Variants in TMEM151B observed in about 807,000 individuals in gnomAD.
TMEM151B encodes the protein transmembrane protein 151B.
In TMEM151B, 18 loss-of-function variants were observed where a neutral mutation model predicts 33.0. The ratio of observed to expected loss-of-function variants is 0.55; its 90% CI spans 0.38 to 0.81. The LOEUF (loss-of-function observed/expected upper bound fraction) is 0.81. Ranked by LOEUF, TMEM151B falls within the 30% of genes least tolerant of loss-of-function variation. The probability of loss-of-function intolerance (pLI) is 0.00; values close to 1 mark genes in which losing one functional copy is unlikely to be tolerated. For synonymous variants in TMEM151B, 354 were observed against 373.6 expected, an observed-to-expected ratio of 0.95 and a Z score of 0.61; for missense variants, 672 against 843.4, an observed-to-expected ratio of 0.80 and a Z score of 2.52.
rs960570556 is a variant in TMEM151B, at chr6:44,277,867, C to G, written c.*1340C>G. On this transcript the variant is annotated 3_prime_UTR_variant, in exon 3 of 3. Coordinates refer to ENST00000451188, the MANE Select transcript of TMEM151B (RefSeq NM_001137560.2). ...CCGCCTTCTCTCCGTGTGCTCCCCCCACCACCTCCACCCTGATGTGCTTCA... is the reference window on the plus strand; with the variant it reads ...CCGCCTTCTCTCCGTGTGCTCCCCCGACCACCTCCACCCTGATGTGCTTCA... The G allele has an allele frequency of 6.5e-6, 1 of 152,776 alleles. No individual in the cohort carries two copies. Among genetic ancestry groups the G allele is most frequent in the South Asian group, 2.1e-4 (1 of 4,842 alleles). 9.5% of individuals were successfully genotyped at this position (152,776 alleles called of 1,614,324 possible).
Position 44,275,800 on chromosome 6 carries a change from C to T in TMEM151B, c.974C>T (p.Ala325Val), listed in dbSNP as rs1325650302. Residue 325 changes from alanine (A) to valine (V), a missense_variant, in exon 3 of 3, where the codon GCG becomes GTG. Coordinates refer to ENST00000451188, the MANE Select transcript of TMEM151B (RefSeq NM_001137560.2). ...CTGGCCGAGTACCGCACGGCCTACG[C>T]GCACTACCACGTGGAGAAGCTATTT... is the stretch of plus-strand genomic sequence containing the variant. ...RVLAEYRTAYAHYHVEKLFGL... is the reference protein window; with the variant it reads ...RVLAEYRTAYVHYHVEKLFGL... 1 of 1,543,316 alleles carries T rather than the reference C, an allele frequency of 6.5e-7. No individual in the cohort carries two copies. Among genetic ancestry groups the T allele is most frequent in the South Asian group, 1.2e-5 (1 of 83,952 alleles).
chr6:44,272,622 G>A (rs188535776), intron 1 of TMEM151B, among the ~76,000 whole-genome samples: 1 of 152,266 alleles, frequency 6.6e-6, no homozygotes, highest in Non-Finnish European at 1.5e-5. Context: ...GAAGGGGTCT[G>A]GGCTGGGGAC....
chr6:44,274,518 T>G (rs2153337837), intron 2 of TMEM151B, among the ~76,000 whole-genome samples: 1 of 152,294 alleles, frequency 6.6e-6, no homozygotes, highest in African/African-American at 2.4e-5. Flanking sequence ...CGTTCCCAGA[T>G]GCAGGCCATC....
rs1430957779 is a variant in TMEM151B at position 44,271,383 on chromosome 6, A to G, written c.135+506A>G. Among the ~76,000 whole-genome samples, 13 of 109,636 alleles carry G rather than the reference A, an allele frequency of 1.2e-4. 1 individual carries two copies. Among genetic ancestry groups the G allele is most frequent in the Non-Finnish European group, 2.0e-4 (11 of 56,018 alleles). The allele number at this position is 109,636 out of a possible 152,430, so 71.9% of individuals were successfully genotyped here. On this transcript the variant is annotated intron_variant, in intron 1 of 2. Coordinates refer to ENST00000451188, the MANE Select transcript of TMEM151B (RefSeq NM_001137560.2). The stretch of plus-strand genomic sequence containing the variant: ...TGTGTGTGTGTGGGGGGGGGTGTGC[A>G]CCTCTCTCTCACGAGGCTCCTGCTG...
chr6:44,275,110 T>G (rs1388706242), intron 2 of TMEM151B, among the ~76,000 whole-genome samples: 6 of 97,090 alleles, frequency 6.2e-5, no homozygotes, highest in Admixed American at 3.0e-4. Flanking sequence ...AGAGCCAGAC[T>G]CCATCTCAAA....
chr6:44,271,881 TG>T (rs1782371974), intron 1 of TMEM151B, among the ~76,000 whole-genome samples: 1 of 8,170 alleles, frequency 1.2e-4, no homozygotes, highest in African/African-American at 9.2e-4. Flanking sequence ...AGCAGGAGGT[TG>T]TGTGTGTGTG....
rs58355560 is a variant in TMEM151B at position 44,271,880 on chromosome 6, T to TTGTGTGTGTGTGTGTGTGTG, written c.135+1012_135+1031dup. On this transcript the variant is annotated intron_variant, in intron 1 of 2. Transcript: ENST00000451188. The stretch of plus-strand genomic sequence containing the variant: ...GGTAAGTCAGGATCCCAGCAGGAGG[T>TTGTGTGTGTGTGTGTGTGTG]TGTGTGTGTGTGTGTGTGTGTGTGT... Among the ~76,000 whole-genome samples the TTGTGTGTGTGTGTGTGTGTG allele has an allele frequency of 5.6e-4, 83 of 148,246 alleles. 1 individual carries two copies. Among genetic ancestry groups the TTGTGTGTGTGTGTGTGTGTG allele is most frequent in the African/African-American group, 1.8e-3 (70 of 39,808 alleles).
At chr6:44,273,593 G>C in intron 2 of TMEM151B, 87 bp downstream of exon 2, 2 of 1,418,012 alleles carry the variant, frequency 1.4e-6, no homozygotes, top group South Asian at 2.8e-5. Context: ...TCCCTGGGGG[G>C]AAGGTGGGAG....
Position 44,275,773 on chromosome 6 carries a change from T to G in TMEM151B, c.947T>G (p.Val316Gly). 3 of 1,543,584 alleles carry G rather than the reference T, an allele frequency of 1.9e-6. No homozygotes were observed. The highest frequency in any genetic ancestry group is 2.6e-6 in the Non-Finnish European group (3 of 1,144,598). ...CTCACGCTGTCGTGGCCGCTGCGAG[T>G]GCTGGCCGAGTACCGCACGGCCTAC... Reference protein sequence around the residue: ...ALLTLSWPLRVLAEYRTAYAH... With the variant: ...ALLTLSWPLRGLAEYRTAYAH... The change falls in exon 3 of 3, where the codon GTG becomes GGG. Residue 316 changes from valine to glycine, a missense_variant. Around this residue, in one of 3 missense-constraint regions of TMEM151B, gnomAD observed 285 missense variants for 423.1 expected, o/e 0.67. Coordinates refer to ENST00000451188, the MANE Select transcript of TMEM151B (RefSeq NM_001137560.2).
intron 2 of TMEM151B, among the ~76,000 whole-genome samples, chr6:44,275,181 G>T (rs1782528048): frequency 6.6e-6 from 1 of 152,092 alleles, no homozygotes. Context: ...AGGTAGGGCT[G>T]GTTCTAGTCC....
rs765454780 is a variant in TMEM151B, at chr6:44,273,407, C to T, written c.477C>T (p.Ala159=). 1.2e-5 allele frequency: 19 copies of T among 1,551,124 alleles called. No homozygotes were observed. The highest frequency in any genetic ancestry group is 1.6e-5 in the Non-Finnish European group (18 of 1,147,002). The change falls in exon 2 of 3, where the codon GCC becomes GCT. Residue 159 remains alanine (A), a synonymous_variant. Transcript: ENST00000451188. ...AACGTGTGGGCCGCATGCAGCAAGC[C>T]ACGCCCTGCATCTGGTGGAAGGCCA... is the stretch of plus-strand genomic sequence containing the variant. ...VRERVGRMQQ[A]TPCIWWKAIS...
chr6:44,274,479 G>A (rs1203801246), intron 2 of TMEM151B, among the ~76,000 whole-genome samples: 1 of 152,164 alleles, frequency 6.6e-6, no homozygotes, highest in Admixed American at 6.5e-5. Context: ...GACTCGCCAG[G>A]ATGAGACATA....
chr6:44,270,817 G>T lies in TMEM151B; in HGVS notation c.75G>T (p.Ser25=), dbSNP rs1782297095. The part of the protein sequence containing the change: ...GGGGGGGPGV[S]EELTAAAAAA... The stretch of plus-strand genomic sequence containing the variant: ...GCGGCGGTGGCGGCCCCGGGGTCTC[G>T]GAGGAGCTCACGGCGGCGGCGGCAG... Residue 25 remains serine (S), a synonymous_variant, in exon 1 of 3, where the codon TCG becomes TCT. Coordinates refer to ENST00000451188, the MANE Select transcript of TMEM151B (RefSeq NM_001137560.2). The T allele has an allele frequency of 3.5e-6, 4 of 1,138,526 alleles. No homozygotes were observed. Among genetic ancestry groups the T allele is most frequent in the Non-Finnish European group, 4.3e-6 (4 of 929,918 alleles). The allele number at this position is 1,138,526 out of a possible 1,614,324, so 70.5% of individuals were successfully genotyped here. A position where few individuals can be genotyped will look rare whatever the true frequency, so the allele number is the denominator to read the frequency against.
chr6:44,270,925 C>G, intron 1 of TMEM151B, 48 bp downstream of exon 1: 2 of 1,032,210 alleles, frequency 1.9e-6, no homozygotes, highest in Non-Finnish European at 2.3e-6. Context: ...CAGCCTGGCC[C>G]CCCATCCCCC....
At chr6:44,274,909 G>T (rs1430080349) in intron 2 of TMEM151B, among the ~76,000 whole-genome samples, 1 of 152,114 alleles carries the variant, frequency 6.6e-6, no homozygotes, top group African/African-American at 2.4e-5. Flanking sequence ...ACGAGGTCAA[G>T]AGATCGAGAC....
rs1782649176 is a variant in TMEM151B, at chr6:44,277,738, C to T, written c.*1211C>T. On this transcript the variant is annotated 3_prime_UTR_variant, in exon 3 of 3. Transcript: ENST00000451188. ...GCCCAACCCTTCCATCCTTCCCTATCCTATGAGCTGAAGCCCTGCTGTGTG... is the reference window on the plus strand; with the variant it reads ...GCCCAACCCTTCCATCCTTCCCTATTCTATGAGCTGAAGCCCTGCTGTGTG... 1 of 152,218 alleles carries T rather than the reference C, an allele frequency of 6.6e-6. No individual in the cohort carries two copies. The highest frequency in any genetic ancestry group is 1.5e-5 in the Non-Finnish European group (1 of 68,044). 9.4% of individuals were successfully genotyped at this position (152,218 alleles called of 1,614,324 possible).
Position 44,278,870 on chromosome 6 carries a change from TACACACACACAC to T in TMEM151B, c.*2356_*2367del, listed in dbSNP as rs56308139. ...GAACTTCTGCTAGCAGCTGTGGCTA[TACACACACACAC>T]ACACACACACACCCTCACACCTACA... is the stretch of plus-strand genomic sequence containing the variant. On this transcript the variant is annotated 3_prime_UTR_variant, in exon 3 of 3. Coordinates refer to ENST00000451188, the MANE Select transcript of TMEM151B (RefSeq NM_001137560.2). 6.7e-6 allele frequency: 1 copy of T among 149,828 alleles called. No homozygotes were observed. Among genetic ancestry groups the T allele is most frequent in the Non-Finnish European group, 1.5e-5 (1 of 67,304 alleles). The allele number at this position is 149,828 out of a possible 1,614,324, so 9.3% of individuals were successfully genotyped here. A position where few individuals can be genotyped will look rare whatever the true frequency, so the allele number is the denominator to read the frequency against.
In TMEM151B at chr6:44,278,895, C is replaced by CACACT. The variant is rs869086892; in HGVS notation, c.*2368_*2369insACACT. On this transcript the variant is annotated 3_prime_UTR_variant, in exon 3 of 3. Coordinates refer to ENST00000451188, the MANE Select transcript of TMEM151B (RefSeq NM_001137560.2). The stretch of plus-strand genomic sequence containing the variant: ...TACACACACACACACACACACACAC[C>CACACT]CTCACACCTACACGTTTGCACTCCG... 2 of 107,298 alleles carry CACACT rather than the reference C, an allele frequency of 1.9e-5. No individual in the cohort carries two copies. Among genetic ancestry groups the CACACT allele is most frequent in the African/African-American group, 6.3e-5 (2 of 31,654 alleles). 6.6% of individuals were successfully genotyped at this position (107,298 alleles called of 1,614,324 possible). A position where few individuals can be genotyped will look rare whatever the true frequency, so the allele number is the denominator to read the frequency against.
chr6:44,273,924 G>T (rs1432938146), intron 2 of TMEM151B, among the ~76,000 whole-genome samples: 1 of 152,194 alleles, frequency 6.6e-6, no homozygotes, highest in Non-Finnish European at 1.5e-5. Flanking sequence ...GATCTACTTA[G>T]TGATTAATGG....
Sources: gnomAD v4.1 joint callset for allele counts (sites outside exome capture counted in the v4.1 genomes callset) on GRCh38, gnomAD v4.1.1 for gene constraint, gnomAD v4.1.1 regional missense constraint, MANE v1.5 for transcripts, NCBI Gene and HGNC (gene_info 2026-07-23, HGNC 2026-07-21) for gene names.